Variants in NLRP2 observed in about 807,000 individuals in gnomAD.
The protein encoded by NLRP2 is NLR family pyrin domain containing 2.
Under a neutral mutation model 97.2 loss-of-function variants are expected in NLRP2, and 107 were observed. The observed-to-expected ratio is 1.10, with a 90% confidence interval of 0.94 to 1.29. The LOEUF (loss-of-function observed/expected upper bound fraction) is 1.29. NLRP2 is among the 50% of genes most tolerant of loss of function. The pLI is 0.00. For synonymous variants in NLRP2, 663 were observed against 551.5 expected, an observed-to-expected ratio of 1.20 and a Z score of -2.83; for missense variants, 1,495 against 1,330.3, an observed-to-expected ratio of 1.12 and a Z score of -1.93.
At position 54,982,439 on chromosome 19, in the gene NLRP2, C is replaced by T; in HGVS notation, c.741C>T (p.Cys247=). The change falls in exon 6 of 13, where the codon TGC becomes TGT. Residue 247 remains cysteine, a synonymous_variant. Coordinates refer to ENST00000448584, the MANE Select transcript of NLRP2 (RefSeq NM_017852.5). ...TCAAATATGCGTTCTACCTCAGCTGCAGGGAGCTCAGCCGCCTGGGCCCGT... is the reference window on the plus strand; with the variant it reads ...TCAAATATGCGTTCTACCTCAGCTGTAGGGAGCTCAGCCGCCTGGGCCCGT... ...HKFKYAFYLS[C]RELSRLGPCS... 6.2e-7 allele frequency: 1 copy of T among 1,614,160 alleles called. No individual in the cohort carries two copies. Among genetic ancestry groups the T allele is most frequent in the Non-Finnish European group, 8.5e-7 (1 of 1,180,022 alleles).
intron 4 of NLRP2, among the ~76,000 whole-genome samples, chr19:54,979,736 C>G (rs1320361950): frequency 6.6e-6 from 1 of 152,104 alleles, no homozygotes; most frequent in Admixed American, 6.6e-5. Context: ...ATTGTTTGCC[C>G]TGTTCATCTC....
intron 11 of NLRP2, among the ~76,000 whole-genome samples, chr19:54,995,758 C>T (rs17781894): frequency 0.19 from 29,525 of 151,868 alleles, 3,207 homozygotes; most frequent in Middle Eastern, 0.39. Flanking sequence ...GAATTTGACT[C>T]GGGATGGGCA....
At chr19:54,987,985 A>G (rs1215882473) in intron 8 of NLRP2, among the ~76,000 whole-genome samples, 4 of 152,196 alleles carry the variant, frequency 2.6e-5, no homozygotes, top group Admixed American at 2.6e-4. Context: ...CAGAGGTAGC[A>G]GTGAGCCAAG....
intron 1 of NLRP2, among the ~76,000 whole-genome samples, chr19:54,967,120 G>C (rs10423269): frequency 1.3e-5 from 2 of 151,826 alleles, no homozygotes; most frequent in African/African-American, 4.8e-5. Context: ...TCCTGCCTCA[G>C]ACTCCCAAAA....
At position 54,975,106 on chromosome 19, in the gene NLRP2, G is replaced by GTTTTTTTTTTTTTTTTTTTT. The variant is rs558518586; in HGVS notation, c.325+580_325+599dup. On this transcript the variant is annotated intron_variant, in intron 3 of 12. Coordinates refer to ENST00000448584, the MANE Select transcript of NLRP2 (RefSeq NM_017852.5). ...ATGAGCCACCACCACACCCGGTTTT[G>GTTTTTTTTTTTTTTTTTTTT]TTTTTTTTTTTTTTTTTTTTTTTTT... Among the ~76,000 whole-genome samples the GTTTTTTTTTTTTTTTTTTTT allele has an allele frequency of 3.2e-4, 19 of 58,702 alleles. 4 individuals are homozygous for GTTTTTTTTTTTTTTTTTTTT. Among genetic ancestry groups the GTTTTTTTTTTTTTTTTTTTT allele is most frequent in the Non-Finnish European group, 6.2e-4 (18 of 28,944 alleles). 38.5% of individuals were successfully genotyped at this position (58,702 alleles called of 152,430 possible). A position where few individuals can be genotyped will look rare whatever the true frequency, so the allele number is the denominator to read the frequency against.
rs201029849 is a variant in NLRP2, at chr19:54,990,504, T to G, written c.2540T>G (p.Leu847Trp). ...TGCCATTTGTGATTCTTTTGTAGGTTGGAAAACTGTCACCTTACAGAAGCC... is the reference window on the plus strand; with the variant it reads ...TGCCATTTGTGATTCTTTTGTAGGTGGGAAAACTGTCACCTTACAGAAGCC... ...HPKCFLQRLS[L>W]ENCHLTEANC... Residue 847 changes from leucine to tryptophan, a missense_variant and splice_region_variant, in exon 10 of 13, where the codon TTG becomes TGG. Physicochemically the swap from Leu to Trp is moderately conservative, Grantham distance 61 (BLOSUM62 -2). Transcript: ENST00000448584. 6.5e-5 allele frequency: 105 copies of G among 1,614,126 alleles called. No individual in the cohort carries two copies. Among genetic ancestry groups the G allele is most frequent in the Admixed American group, 1.0e-4 (6 of 60,008 alleles).
At chr19:54,995,061 C>T (rs2072729836) in intron 11 of NLRP2, among the ~76,000 whole-genome samples, 1 of 151,320 alleles carries the variant, frequency 6.6e-6, no homozygotes, top group Admixed American at 6.6e-5. Context: ...TACCTGTAAT[C>T]CCAGCACTTC....
In NLRP2 at chr19:54,990,060, A is replaced by G. The variant is rs1229412947; in HGVS notation, c.2405A>G (p.Asp802Gly). The change falls in exon 9 of 13, where the codon GAT (aspartate) becomes GGT (glycine). Residue 802 changes from aspartate (D) to glycine (G), a missense_variant. Asp to Gly is a moderately conservative substitution (Grantham distance 94). Transcript: ENST00000448584. ...TCCGCTACCACTCAGCAGTGGGCTG[A>G]TCTCTCCTTGGCCCTTGAAGTCAAC... ...SCSATTQQWA[D>G]LSLALEVNQS... 6.2e-7 allele frequency: 1 copy of G among 1,613,464 alleles called. No individual in the cohort carries two copies. Among genetic ancestry groups the G allele is most frequent in the South Asian group, 1.1e-5 (1 of 91,054 alleles).
At chr19:54,978,645 C>T (rs1223499870) in intron 4 of NLRP2, among the ~76,000 whole-genome samples, 3 of 151,828 alleles carry the variant, frequency 2.0e-5, no homozygotes, top group African/African-American at 7.2e-5. Context: ...ATCAAGAGAT[C>T]GAGACCATCC....
intron 3 of NLRP2, among the ~76,000 whole-genome samples, chr19:54,976,583 A>G (rs567158843): frequency 5.3e-5 from 8 of 151,792 alleles, no homozygotes; most frequent in African/African-American, 1.4e-4. Context: ...CTGACCTCAA[A>G]TGAACTGTCT....
chr19:54,971,435 C>T (rs548978782), intron 2 of NLRP2, among the ~76,000 whole-genome samples: 119 of 152,260 alleles, frequency 7.8e-4, no homozygotes, highest in African/African-American at 2.8e-3. Context: ...TACAGTCCCA[C>T]CAACAGTGTG....
intron 4 of NLRP2, among the ~76,000 whole-genome samples, chr19:54,978,833 G>A (rs1321937523): frequency 1.4e-5 from 2 of 144,428 alleles, no homozygotes; most frequent in Admixed American, 6.9e-5. Context: ...GCAACAGTGC[G>A]AGACTCCATC....
chr19:54,970,896 G>A (rs2146341793), intron 2 of NLRP2, among the ~76,000 whole-genome samples: 1 of 138,088 alleles, frequency 7.2e-6, no homozygotes, highest in South Asian at 2.4e-4. Flanking sequence ...ATGTATACAT[G>A]TGCCATGCTG....
chr19:54,977,896 T>G lies in NLRP2; in HGVS notation c.397+73T>G. 6 of 1,327,470 alleles carry G rather than the reference T, an allele frequency of 4.5e-6. No individual in the cohort carries two copies. The African/African-American group carries it at 5.7e-5, about 13-fold the overall frequency. 82.2% of individuals were successfully genotyped at this position (1,327,470 alleles called of 1,614,324 possible). A position where few individuals can be genotyped will look rare whatever the true frequency, so the allele number is the denominator to read the frequency against. On this transcript the variant is annotated intron_variant, in intron 4 of 12. Transcript: ENST00000448584. ...GTTCTTGCTGCTATCTCCTGTTCCT[T>G]TGAAGAACCCCATCTCTCTCCAATC...
chr19:54,996,652 ATCC>A (rs1347458415), intron 11 of NLRP2, among the ~76,000 whole-genome samples: 1 of 151,796 alleles, frequency 6.6e-6, no homozygotes, highest in Non-Finnish European at 1.5e-5. Flanking sequence ...CATCTTGACA[ATCC>A]TCCCTGTCTC....
rs117066658 is a variant in NLRP2, at chr19:54,990,056, G to A, written c.2401G>A (p.Ala801Thr). The change falls in exon 9 of 13, where the codon GCT (alanine) becomes ACT (threonine). Residue 801 changes from alanine to threonine, a missense_variant. Transcript: ENST00000448584. ...VSCSATTQQWADLSLALEVNQ... is the reference protein window; with the variant it reads ...VSCSATTQQWTDLSLALEVNQ... ...TTGTTCCGCTACCACTCAGCAGTGG[G>A]CTGATCTCTCCTTGGCCCTTGAAGT... 0.012 allele frequency: 19,987 copies of A among 1,614,032 alleles called. 144 individuals carry two copies. Among genetic ancestry groups the A allele is most frequent in the Non-Finnish European group, 0.015 (17,290 of 1,179,992 alleles).
In NLRP2 at chr19:54,982,204, G is replaced by C; in HGVS notation, c.506G>C (p.Arg169Pro). The C allele has an allele frequency of 1.2e-6, 2 of 1,614,068 alleles. No homozygotes were observed. Among genetic ancestry groups the C allele is most frequent in the Non-Finnish European group, 1.7e-6 (2 of 1,180,016 alleles). Residue 169 changes from arginine (R) to proline (P), a missense_variant, in exon 6 of 13, where the codon CGG (arginine) becomes CCG (proline). Transcript: ENST00000448584. ...RCRYILKTKF[R>P]EMWKSWPGDS... ...AGGTATATATTGAAGACGAAGTTCC[G>C]GGAGATGTGGAAGAGCTGGCCTGGA...
chr19:54,982,627 A>C lies in NLRP2; in HGVS notation c.929A>C (p.Lys310Thr). ...GAGGACATCTGCGGGGACTGGGAGA[A>C]GAAGAAGCCGGTGCCCGTCCTCCTG... ...LIEDICGDWE[K>T]KKPVPVLLGS... The change falls in exon 6 of 13, where the codon AAG (lysine) becomes ACG (threonine). Residue 310 changes from lysine to threonine, a missense_variant. Transcript: ENST00000448584. 6.2e-7 allele frequency: 1 copy of C among 1,614,106 alleles called. No homozygotes were observed.
At chr19:54,992,500 G>T (rs922630803) in intron 10 of NLRP2, among the ~76,000 whole-genome samples, 3 of 134,938 alleles carry the variant, frequency 2.2e-5, no homozygotes, top group Non-Finnish European at 4.6e-5. Context: ...TTTTTTGGTT[G>T]TGTGTGTGTG....
Sources: gnomAD v4.1 joint callset for allele counts (sites outside exome capture counted in the v4.1 genomes callset) on GRCh38, gnomAD v4.1.1 for gene constraint, MANE v1.5 for transcripts, NCBI Gene and HGNC (gene_info 2026-07-23, HGNC 2026-07-21) for gene names.